HDLBP: variants seen among roughly 807,000 people sequenced by gnomAD.
The protein encoded by HDLBP is vigilin.
A neutral mutation model predicts 137.3 loss-of-function variants in HDLBP; 30 were observed. The ratio of observed to expected loss-of-function variants is 0.22; its 90% CI spans 0.16 to 0.30. The LOEUF (loss-of-function observed/expected upper bound fraction) is 0.30, where lower values mean the gene tolerates loss of function less well. HDLBP is among the 10% of genes least tolerant of loss of function. HDLBP has a pLI of 1.00. For synonymous variants in HDLBP, 606 were observed against 596.0 expected, an observed-to-expected ratio of 1.02 and a Z score of -0.24; for missense variants, 1,119 against 1,667.3, an observed-to-expected ratio of 0.67 and a Z score of 5.73.
intron 17 of HDLBP, among the ~76,000 whole-genome samples, chr2:241,241,824 T>TA (rs112929001): frequency 2.6e-5 from 4 of 151,868 alleles, no homozygotes; most frequent in East Asian, 1.9e-4. Flanking sequence ...ATCACAGACC[T>TA]AAAAAAAATG....
chr2:241,300,066 AT>A (rs79956325), intron 1 of HDLBP, among the ~76,000 whole-genome samples: 6 of 151,074 alleles, frequency 4.0e-5, no homozygotes, highest in African/African-American at 7.3e-5. Context: ...TTCATAAAAG[AT>A]TTTTTTTTTC....
intron 1 of HDLBP, among the ~76,000 whole-genome samples, chr2:241,306,871 G>A (rs1335189596): frequency 1.4e-5 from 2 of 143,230 alleles, no homozygotes; most frequent in Non-Finnish European, 3.0e-5. Flanking sequence ...GACAGGGAGA[G>A]ACTCTGTCTC....
At chr2:241,308,646 G>C (rs2149717617) in intron 1 of HDLBP, among the ~76,000 whole-genome samples, 1 of 152,328 alleles carries the variant, frequency 6.6e-6, no homozygotes, top group East Asian at 1.9e-4. Flanking sequence ...GTAGATGGTA[G>C]ACTGAGGCTG....
chr2:241,268,040 T>C (rs1390958762), intron 2 of HDLBP: 1 of 848,458 alleles, frequency 1.2e-6, no homozygotes, highest in Non-Finnish European at 1.4e-6. Context: ...ACTACTACAG[T>C]GAGGAAGAAC....
At chr2:241,251,648 A>C (rs4675975) in intron 11 of HDLBP, among the ~76,000 whole-genome samples, 119,844 of 152,166 alleles carry the variant, frequency 0.79, 47,466 homozygotes, top group East Asian at 0.95. Flanking sequence ...CGAGTGTGTG[A>C]GTATAGCCAT....
chr2:241,298,694 C>A (rs531094103), intron 1 of HDLBP, among the ~76,000 whole-genome samples: 3 of 152,304 alleles, frequency 2.0e-5, no homozygotes, highest in Non-Finnish European at 4.4e-5. Flanking sequence ...AAGTGCACAT[C>A]ACCACTAAGG....
intron 24 of HDLBP, chr2:241,231,196 C>A (rs994550113): frequency 1.9e-5 from 8 of 411,588 alleles, no homozygotes; most frequent in Admixed American, 1.9e-4. Context: ...ACCAGCCTGA[C>A]CAACATGGAG....
chr2:241,239,869 A>G lies in HDLBP; in HGVS notation c.2391+32T>C, dbSNP rs2149394550. The G allele has an allele frequency of 1.2e-6, 2 of 1,612,354 alleles. No individual in the cohort carries two copies. The highest frequency in any genetic ancestry group is 1.7e-6 in the Non-Finnish European group (2 of 1,178,512). On this transcript the variant is annotated intron_variant, in intron 18 of 27. Transcript: ENST00000310931. The surrounding 1 kb of genome is among the most constrained non-coding windows in gnomAD (Gnocchi z 4.6). Reference sequence around the variant, plus strand: ...AGATAAGCCACCCCATCACGGCCCCAGCAGAGTCGGCCGCCGAGGCCCGCT... The same window carrying G: ...AGATAAGCCACCCCATCACGGCCCCGGCAGAGTCGGCCGCCGAGGCCCGCT...
chr2:241,303,769 G>A (rs376516401), intron 1 of HDLBP, among the ~76,000 whole-genome samples: 20 of 152,180 alleles, frequency 1.3e-4, no homozygotes, highest in African/African-American at 4.8e-4. Context: ...CTGGCAGCCC[G>A]TTATAATTCA....
In HDLBP at chr2:241,315,604, T is replaced by G. The variant is rs2076049183; in HGVS notation, c.-137A>C. 1 of 151,934 alleles carries G rather than the reference T, an allele frequency of 6.6e-6. No individual in the cohort carries two copies. The highest frequency in any genetic ancestry group is 1.5e-5 in the Non-Finnish European group (1 of 68,054). 9.4% of individuals were successfully genotyped at this position (151,934 alleles called of 1,614,324 possible). Reference sequence around the variant, plus strand: ...TCTTATAAGCATAAGAAAACCGAGCTCATAAGGTAGGAACTGTGGCGAAAC... The same window carrying G: ...TCTTATAAGCATAAGAAAACCGAGCGCATAAGGTAGGAACTGTGGCGAAAC... On this transcript the variant is annotated 5_prime_UTR_variant, in exon 1 of 28. An upstream open reading frame in the 5' UTR loses its in-frame stop. Coordinates refer to ENST00000310931, the MANE Select transcript of HDLBP (RefSeq NM_005336.6).
At chr2:241,262,527 T>C (rs926998927) in intron 5 of HDLBP, among the ~76,000 whole-genome samples, 184 bp downstream of exon 5, 1 of 152,234 alleles carries the variant, frequency 6.6e-6, no homozygotes, top group African/African-American at 2.4e-5. Context: ...CCCAGTTCTA[T>C]TATTAGTTTA....
intron 1 of HDLBP, among the ~76,000 whole-genome samples, chr2:241,303,817 T>TC (rs1223843070): frequency 6.6e-6 from 1 of 152,192 alleles, no homozygotes; most frequent in Non-Finnish European, 1.5e-5. Context: ...GAATATTACT[T>TC]CTTTTTTTGG....
intron 5 of HDLBP, among the ~76,000 whole-genome samples, chr2:241,259,352 A>G (rs1464884550): frequency 1.3e-5 from 2 of 152,230 alleles, no homozygotes; most frequent in East Asian, 3.8e-4. Flanking sequence ...TTTCTCTGAA[A>G]GTACTTTATT....
intron 5 of HDLBP, among the ~76,000 whole-genome samples, chr2:241,258,498 T>A (rs1371740973): frequency 6.6e-6 from 1 of 151,948 alleles, no homozygotes; most frequent in Non-Finnish European, 1.5e-5. Context: ...CACTTCAGCT[T>A]ATGTGGCAGG....
rs191930059 is a variant in HDLBP, at chr2:241,263,855, C to T, written c.234+593G>A. 2.1e-3 allele frequency among the ~76,000 whole-genome samples: 319 copies of T among 152,222 alleles called. 3 individuals are homozygous for T. The highest frequency in any genetic ancestry group is 1.3e-3 in the Non-Finnish European group (90 of 67,998). On this transcript the variant is annotated intron_variant, in intron 4 of 27. Transcript: ENST00000310931. ...CATCTGACAAACACTGCCTGCAAAA[C>T]GACCACGTGCCTGTCCTACTGAGTG...
At chr2:241,264,006 C>T (rs2149526374) in intron 4 of HDLBP, among the ~76,000 whole-genome samples, 1 of 150,742 alleles carries the variant, frequency 6.6e-6, no homozygotes, top group South Asian at 2.1e-4. Context: ...CATTCAGAAA[C>T]TCTTCCATCA....
chr2:241,310,838 G>A (rs890171816), intron 1 of HDLBP, among the ~76,000 whole-genome samples: 2 of 152,216 alleles, frequency 1.3e-5, no homozygotes, highest in Non-Finnish European at 2.9e-5. Flanking sequence ...AAAAGCCTCT[G>A]AGGCCAGATG....
At chr2:241,248,501 C>T (rs2071856836) in intron 12 of HDLBP, among the ~76,000 whole-genome samples, 153 bp from the exon 13 acceptor site, 1 of 152,162 alleles carries the variant, frequency 6.6e-6, no homozygotes, top group African/African-American at 2.4e-5. Flanking sequence ...CCGGGAGCAA[C>T]CAGCTGTTAA....
Position 241,267,689 on chromosome 2 carries a change from C to T in HDLBP, c.-37-783G>A, listed in dbSNP as rs1327215581. 4.6e-6 allele frequency: 7 copies of T among 1,535,398 alleles called. No homozygotes were observed. In the South Asian group the frequency reaches 8.3e-5, roughly 18 times the overall value. Reference sequence around the variant, plus strand: ...AACCACCTCCAAATCTCGACTTAACCAGGTGGTTATAAGTGGTAGCTGCGT... The same window carrying T: ...AACCACCTCCAAATCTCGACTTAACTAGGTGGTTATAAGTGGTAGCTGCGT... On this transcript the variant is annotated intron_variant, in intron 2 of 27. Coordinates refer to ENST00000310931, the MANE Select transcript of HDLBP (RefSeq NM_005336.6).
Sources: allele counts gnomAD v4.1 joint callset (sites outside exome capture counted in the v4.1 genomes callset), GRCh38; gene constraint gnomAD v4.1.1; non-coding constraint Gnocchi (gnomAD v3.1); transcripts MANE v1.5; gene names NCBI Gene and HGNC (gene_info 2026-07-23, HGNC 2026-07-21).